Variants in ASXL3 observed in about 807,000 individuals in gnomAD.
The protein encoded by ASXL3 is ASXL transcriptional regulator 3, also known as putative Polycomb group protein ASXL3.
Under a neutral mutation model 170.6 loss-of-function variants are expected in ASXL3, and 34 were observed. The observed-to-expected ratio is 0.20, with a 90% CI of 0.15 to 0.27. ASXL3 has a LOEUF of 0.27. Among genes scored for constraint, ASXL3 ranks in the 10% least tolerant of loss-of-function variants. ASXL3 has a pLI of 1.00. For missense variants in ASXL3, 2,592 were observed against 2,695.3 expected (o/e 0.96, Z 0.85); for synonymous variants, 1,002 against 989.1 (o/e 1.01, Z -0.24).
At chr18:33,629,763 C>T (rs551588995) in intron 2 of ASXL3, among the ~76,000 whole-genome samples, 26 of 152,026 alleles carry the variant, frequency 1.7e-4, no homozygotes, top group Middle Eastern at 3.4e-3. Context: ...GTAATCAAAA[C>T]GCACGTTTTT....
Position 33,739,467 on chromosome 18 carries a change from AAAT to A in ASXL3, c.2065_2067del (p.Ile689del). ...ATATCTCCAATATCCACTTCACCTG[AAAT>A]ATCAGAAGCATCTCTTATGTCCAAC... On this transcript the variant is annotated inframe_deletion, in exon 11 of 12. Coordinates refer to ENST00000269197, the MANE Select transcript of ASXL3 (RefSeq NM_030632.3). 6.2e-7 allele frequency: 1 copy of A among 1,613,996 alleles called. No individual in the cohort carries two copies. The highest frequency in any genetic ancestry group is 8.5e-7 in the Non-Finnish European group (1 of 1,179,888).
chr18:33,651,590 A>G (rs1210513168), intron 4 of ASXL3, among the ~76,000 whole-genome samples: 1 of 152,130 alleles, frequency 6.6e-6, no homozygotes, highest in Admixed American at 6.6e-5. Context: ...TCAATTTGTA[A>G]CATACCCTTG....
intron 1 of ASXL3, among the ~76,000 whole-genome samples, chr18:33,597,409 A>C (rs8095421): frequency 0.21 from 32,532 of 151,788 alleles, 4,598 homozygotes; most frequent in African/African-American, 0.4. Flanking sequence ...TTACCTTATT[A>C]TTTCTATTAT....
At chr18:33,607,226 T>C (rs2065263926) in intron 1 of ASXL3, among the ~76,000 whole-genome samples, 1 of 151,986 alleles carries the variant, frequency 6.6e-6, no homozygotes. Flanking sequence ...TCCAAGGACC[T>C]GGAATCTTAG....
Sources: gnomAD v4.1 joint callset for allele counts (sites outside exome capture counted in the v4.1 genomes callset) on GRCh38, gnomAD v4.1.1 for gene constraint, MANE v1.5 for transcripts, NCBI Gene and HGNC (gene_info 2026-07-23, HGNC 2026-07-21) for gene names.